Variants in ANKRD18B observed in about 807,000 individuals in gnomAD.
ANKRD18B encodes ankyrin repeat domain-containing protein 18B.
A neutral mutation model predicts 111.8 loss-of-function variants in ANKRD18B; 75 were observed. The observed-to-expected ratio is 0.67, with a 90% confidence interval of 0.56 to 0.81. The LOEUF is 0.81. ANKRD18B is among the 40% of genes least tolerant of loss of function. The pLI, the probability that ANKRD18B is intolerant of heterozygous loss-of-function variation, is 0.00. For synonymous variants in ANKRD18B, 356 were observed against 417.3 expected (o/e 0.85, Z 1.79); for missense variants, 1,038 against 1,225.5 (o/e 0.85, Z 2.28).
intron 5 of ANKRD18B, among the ~76,000 whole-genome samples, chr9:33,535,747 AT>A (rs1411705318): frequency 6.9e-6 from 1 of 145,402 alleles, no homozygotes; most frequent in African/African-American, 2.5e-5. Flanking sequence ...TATATTTTAT[AT>A]TTTTATATTT....
chr9:33,535,113 A>G (rs555179555), intron 5 of ANKRD18B, among the ~76,000 whole-genome samples: 72 of 152,102 alleles, frequency 4.7e-4, no homozygotes, highest in Non-Finnish European at 8.4e-4. Context: ...GGAAAAGGCC[A>G]TTCTAGTCAT....
chr9:33,527,815 T>C (rs1252032757), intron 1 of ANKRD18B, among the ~76,000 whole-genome samples: 1 of 152,184 alleles, frequency 6.6e-6, no homozygotes, highest in Non-Finnish European at 1.5e-5. Context: ...TGTGATATCC[T>C]ACTATTTTCT....
Position 33,567,317 on chromosome 9 carries a change from A to C in ANKRD18B, c.2954+3A>C. The C allele has an allele frequency of 1.3e-6, 2 of 1,538,262 alleles. No homozygotes were observed. ...TCCATGTCAGAAAAAATAACGAAGTAAGTCAAAACATATACTCATAGAAAA... is the reference window on the plus strand; with the variant it reads ...TCCATGTCAGAAAAAATAACGAAGTCAGTCAAAACATATACTCATAGAAAA... On this transcript the variant is annotated splice_donor_region_variant and intron_variant, in intron 16 of 18. Coordinates refer to ENST00000684830, the MANE Select transcript of ANKRD18B (RefSeq NM_001393611.1).
chr9:33,524,393 AG>A lies in ANKRD18B; in HGVS notation c.-92del. On this transcript the variant is annotated 5_prime_UTR_variant, in exon 1 of 19. Coordinates refer to ENST00000684830, the MANE Select transcript of ANKRD18B (RefSeq NM_001393611.1). ...TTTAGGGGTGGATCGCTGGGTGGGG[AG>A]GGGGATCTCGAATTTGGAGCTGGGT... 1 of 821,298 alleles carries A rather than the reference AG, an allele frequency of 1.2e-6. No individual in the cohort carries two copies. Among genetic ancestry groups the A allele is most frequent in the Non-Finnish European group, 1.6e-6 (1 of 625,544 alleles). The allele number at this position is 821,298 out of a possible 1,614,324, so 50.9% of individuals were successfully genotyped here. A position where few individuals can be genotyped will look rare whatever the true frequency, so the allele number is the denominator to read the frequency against.
intron 1 of ANKRD18B, among the ~76,000 whole-genome samples, chr9:33,527,624 G>A (rs1044243595): frequency 2.0e-4 from 30 of 152,132 alleles, no homozygotes; most frequent in Middle Eastern, 3.2e-3. Flanking sequence ...CCGGCCAGCT[G>A]CATGTTTTTA....
At chr9:33,546,113 TA>T (rs1002285383) in intron 10 of ANKRD18B, among the ~76,000 whole-genome samples, 21 of 152,214 alleles carry the variant, frequency 1.4e-4, no homozygotes, top group Non-Finnish European at 2.6e-4. Context: ...CTTTTTTCTA[TA>T]TTCATTTAAA....
At chr9:33,528,666 A>G (rs1828061694) in intron 1 of ANKRD18B, 61 bp from the exon 2 acceptor site, 1 of 1,356,074 alleles carries the variant, frequency 7.4e-7, no homozygotes, top group Admixed American at 2.5e-5. Context: ...CAATGACATG[A>G]ACCATTGTAG....
chr9:33,573,607 C>T (rs1828817862), downstream of ANKRD18B, among the ~76,000 whole-genome samples: 1 of 144,528 alleles, frequency 6.9e-6, no homozygotes, highest in Middle Eastern at 3.5e-3. Flanking sequence ...TACCTGGAGC[C>T]TGAGGCTGAC....
At chr9:33,550,785 T>C (rs1828435323) in intron 12 of ANKRD18B, among the ~76,000 whole-genome samples, 1 of 152,240 alleles carries the variant, frequency 6.6e-6, no homozygotes, top group Admixed American at 6.6e-5. Context: ...GCATATGTTT[T>C]CTCTTATAAT....
rs932101283 is a variant in ANKRD18B at position 33,548,647 on chromosome 9, G to A, written c.1859G>A (p.Arg620Gln). Reference sequence around the variant, plus strand: ...TCTTCAGAGGAGAGAATACGTCAACGAGAACTTGAAAATCTCTTGCTTGAA... The same window carrying A: ...TCTTCAGAGGAGAGAATACGTCAACAAGAACTTGAAAATCTCTTGCTTGAA... ...QNSSEERIRQ[R>Q]ELENLLLERQ... Residue 620 changes from arginine to glutamine, a missense_variant, in exon 11 of 19, where the codon CGA becomes CAA. Coordinates refer to ENST00000684830, the MANE Select transcript of ANKRD18B (RefSeq NM_001393611.1). 13 of 1,551,154 alleles carry A rather than the reference G, an allele frequency of 8.4e-6. No individual in the cohort carries two copies. The highest frequency in any genetic ancestry group is 1.4e-5 in the African/African-American group (1 of 72,990).
chr9:33,551,489 A>C (rs1828445707), intron 12 of ANKRD18B, among the ~76,000 whole-genome samples: 2 of 152,214 alleles, frequency 1.3e-5, no homozygotes, highest in Non-Finnish European at 2.9e-5. Flanking sequence ...ATATTTAAAT[A>C]CATAGAGTCA....
chr9:33,564,241 C>T (rs1828652681), intron 14 of ANKRD18B, among the ~76,000 whole-genome samples: 1 of 152,220 alleles, frequency 6.6e-6, no homozygotes, highest in Admixed American at 6.5e-5. Flanking sequence ...AAATTACAGG[C>T]ATCAGCCATG....
intron 16 of ANKRD18B, 134 bp from the exon 17 acceptor site, chr9:33,568,537 A>T: frequency 1.4e-6 from 1 of 713,676 alleles, no homozygotes; most frequent in Non-Finnish European, 2.2e-6. Context: ...ATGCTCTCAC[A>T]CATCTTCGTG....
At chr9:33,531,467 T>C (rs1828115356) in intron 3 of ANKRD18B, among the ~76,000 whole-genome samples, 2 of 151,862 alleles carry the variant, frequency 1.3e-5, no homozygotes, top group African/African-American at 2.4e-5. Flanking sequence ...TAAACTTTAG[T>C]GGACTCATGC....
intron 10 of ANKRD18B, among the ~76,000 whole-genome samples, chr9:33,547,248 C>T (rs1004522030): frequency 6.6e-6 from 1 of 152,070 alleles, no homozygotes; most frequent in Non-Finnish European, 1.5e-5. Context: ...TGATGGAGAA[C>T]TGGAAGTAGA....
At chr9:33,553,315 C>A (rs1489686747) in intron 12 of ANKRD18B, among the ~76,000 whole-genome samples, 2 of 151,948 alleles carry the variant, frequency 1.3e-5, no homozygotes, top group African/African-American at 2.4e-5. Flanking sequence ...CTGCAGTGAG[C>A]GGTGATCAAG....
In ANKRD18B at chr9:33,566,468, G is replaced by A; in HGVS notation, c.2710G>A (p.Ala904Thr). The change falls in exon 15 of 19, where the codon GCA (alanine) becomes ACA (threonine). Residue 904 changes from alanine (A) to threonine (T), a missense_variant. This residue lies in a region of ANKRD18B where 524 missense variants were observed against 677.9 expected (regional missense o/e 0.77). Coordinates refer to ENST00000684830, the MANE Select transcript of ANKRD18B (RefSeq NM_001393611.1). ...GGAGCTGGATGAAAGGGCAATGCAG[G>A]CAATAGAAAAATTAGAAGAAATCCA... is the stretch of plus-strand genomic sequence containing the variant. Reference protein sequence around the residue: ...KSELDERAMQAIEKLEEIHLQ... With the variant: ...KSELDERAMQTIEKLEEIHLQ... 1.2e-6 allele frequency: 2 copies of A among 1,607,766 alleles called. No individual in the cohort carries two copies. The highest frequency in any genetic ancestry group is 1.7e-6 in the Non-Finnish European group (2 of 1,178,810).
intron 14 of ANKRD18B, among the ~76,000 whole-genome samples, chr9:33,560,774 C>T (rs1383821050): frequency 1.3e-5 from 2 of 152,062 alleles, no homozygotes; most frequent in East Asian, 1.9e-4. Flanking sequence ...TCCTGGCCAA[C>T]ATGGTGAAAC....
intron 12 of ANKRD18B, among the ~76,000 whole-genome samples, chr9:33,553,686 T>C (rs867383757): frequency 2.7e-4 from 41 of 152,158 alleles, no homozygotes; most frequent in African/African-American, 8.9e-4. Context: ...TAGAACAAGA[T>C]GTTCATCATG....
Sources: gnomAD v4.1 joint callset for allele counts (sites outside exome capture counted in the v4.1 genomes callset) on GRCh38, gnomAD v4.1.1 for gene constraint, gnomAD v4.1.1 regional missense constraint, MANE v1.5 for transcripts, NCBI Gene and HGNC (gene_info 2026-07-23, HGNC 2026-07-21) for gene names.